PARP11: variants seen among roughly 807,000 people sequenced by gnomAD.
PARP11 encodes poly(ADP-ribose) polymerase family member 11, also known as protein mono-ADP-ribosyltransferase PARP11.
In PARP11, 31 loss-of-function variants were observed where a neutral mutation model predicts 42.9. That is an observed-to-expected ratio of 0.72 (90% confidence interval 0.54 to 0.98). The LOEUF (loss-of-function observed/expected upper bound fraction) is 0.98. Ranked by LOEUF, PARP11 falls within the 50% of genes least tolerant of loss-of-function variation. PARP11 has a pLI of 0.00. For missense variants in PARP11, 365 were observed against 413.1 expected, an observed-to-expected ratio of 0.88 and a Z score of 1.01; for synonymous variants, 137 against 127.3, an observed-to-expected ratio of 1.08 and a Z score of -0.51.
chr12:3,862,133 A>G (rs80277165), intron 1 of PARP11, among the ~76,000 whole-genome samples: 11,912 of 152,226 alleles, frequency 0.078, 1,031 homozygotes, highest in African/African-American at 0.21. Context: ...AAGATTTGAA[A>G]AAGATTTTTC....
intron 4 of PARP11, among the ~76,000 whole-genome samples, chr12:3,823,255 A>AGTCCCTGGTAT (rs537771603): frequency 2.0e-5 from 3 of 152,236 alleles, no homozygotes; most frequent in Non-Finnish European, 4.4e-5. Flanking sequence ...CTCCCACTCC[A>AGTCCCTGGTAT]GTCCCTGGTA....
At chr12:3,817,673 A>T (rs1947319496) in intron 6 of PARP11, among the ~76,000 whole-genome samples, 1 of 152,186 alleles carries the variant, frequency 6.6e-6, no homozygotes, top group South Asian at 2.1e-4. Context: ...CTTCTCAAAG[A>T]TGTCTCAAAA....
Position 3,810,715 on chromosome 12 carries a change from G to GAAGAGAAAGAGAAAGAGA in PARP11, c.*1390_*1407dup, listed in dbSNP as rs200307166. 122 of 142,944 alleles carry GAAGAGAAAGAGAAAGAGA rather than the reference G, an allele frequency of 8.5e-4. No individual in the cohort carries two copies. Among genetic ancestry groups the GAAGAGAAAGAGAAAGAGA allele is most frequent in the African/African-American group, 2.9e-3 (108 of 37,398 alleles). The allele number at this position is 142,944 out of a possible 1,614,324, so 8.9% of individuals were successfully genotyped here. On this transcript the variant is annotated 3_prime_UTR_variant, in exon 8 of 8. Transcript: ENST00000228820. ...AGAAGGAAGGAAGAGAGAGAGAAGA[G>GAAGAGAAAGAGAAAGAGA]AAGAGAAAGAGAAAGAGAAAGAGGA...
intron 4 of PARP11, chr12:3,824,707 A>G (rs759678942): frequency 2.6e-6 from 2 of 758,592 alleles, no homozygotes; most frequent in Non-Finnish European, 3.2e-6. Flanking sequence ...TGATCCCATC[A>G]CAGTGTTTCT....
intron 6 of PARP11, among the ~76,000 whole-genome samples, chr12:3,815,652 A>T (rs1947271797): frequency 6.6e-6 from 1 of 152,172 alleles, no homozygotes; most frequent in Non-Finnish European, 1.5e-5. Flanking sequence ...GACACCACTG[A>T]ATGTATTTTG....
chr12:3,810,676 A>G lies in PARP11; in HGVS notation c.*1447T>C, dbSNP rs1947153427. On this transcript the variant is annotated 3_prime_UTR_variant, in exon 8 of 8. Coordinates refer to ENST00000228820, the MANE Select transcript of PARP11 (RefSeq NM_020367.6). ...GAAGGAAGGAAGGAAGGAAGGAAGG[A>G]AGGAAGGAAAGAAAGAAGGAAGGAA... 6.8e-6 allele frequency: 1 copy of G among 146,954 alleles called. No individual in the cohort carries two copies. The highest frequency in any genetic ancestry group is 6.8e-5 in the Admixed American group (1 of 14,652). 9.1% of individuals were successfully genotyped at this position (146,954 alleles called of 1,614,324 possible).
In PARP11 at chr12:3,809,178, A is replaced by G. The variant is rs1387253131; in HGVS notation, c.*2945T>C. 6.6e-6 allele frequency: 1 copy of G among 152,204 alleles called. No individual in the cohort carries two copies. Among genetic ancestry groups the G allele is most frequent in the African/African-American group, 2.4e-5 (1 of 41,444 alleles). 9.4% of individuals were successfully genotyped at this position (152,204 alleles called of 1,614,324 possible). ...CCACTCTATGGGATGATAACAGGAAAAGATGGCAAATGGTTGTGTCCAGTA... is the reference window on the plus strand; with the variant it reads ...CCACTCTATGGGATGATAACAGGAAGAGATGGCAAATGGTTGTGTCCAGTA... On this transcript the variant is annotated 3_prime_UTR_variant, in exon 8 of 8. Transcript: ENST00000228820.
chr12:3,864,155 C>T (rs756915214), intron 1 of PARP11, among the ~76,000 whole-genome samples: 3 of 152,140 alleles, frequency 2.0e-5, no homozygotes, highest in Non-Finnish European at 4.4e-5. Context: ...AATCGATATT[C>T]GATTTTGTCA....
intron 1 of PARP11, chr12:3,872,681 A>T: frequency 1.0e-6 from 1 of 985,332 alleles, no homozygotes; most frequent in Non-Finnish European, 1.2e-6. Context: ...ATTCAAGACA[A>T]GGGGGTCCCA....
chr12:3,858,324 C>T (rs191188577), intron 1 of PARP11, among the ~76,000 whole-genome samples: 2 of 152,238 alleles, frequency 1.3e-5, no homozygotes, highest in East Asian at 1.9e-4. Context: ...ATAAAGATAA[C>T]ATTAACCATG....
chr12:3,851,889 G>A (rs1185892302), intron 1 of PARP11, among the ~76,000 whole-genome samples: 3 of 152,186 alleles, frequency 2.0e-5, no homozygotes. Flanking sequence ...ACAGTCGGAT[G>A]CCCCTCTGAG....
At chr12:3,839,461 G>T in intron 1 of PARP11, 2 of 1,611,948 alleles carry the variant, frequency 1.2e-6, no homozygotes, top group Non-Finnish European at 1.7e-6. Flanking sequence ...GGCGGAGCAG[G>T]TATTGCACTC....
At position 3,871,206 on chromosome 12, in the gene PARP11, A is replaced by C. The variant is rs149944403; in HGVS notation, c.18+2006T>G. On this transcript the variant is annotated intron_variant, in intron 1 of 7. Coordinates refer to ENST00000228820, the MANE Select transcript of PARP11 (RefSeq NM_020367.6). Reference sequence around the variant, plus strand: ...AGGGGAAGAATACTGATTATAGGAAATTATTGCAAATATGGAAATTAGGGG... The same window carrying C: ...AGGGGAAGAATACTGATTATAGGAACTTATTGCAAATATGGAAATTAGGGG... Among the ~76,000 whole-genome samples, 16 of 152,346 alleles carry C rather than the reference A, an allele frequency of 1.1e-4. No homozygotes were observed. In the East Asian group the frequency reaches 3.1e-3, roughly 29 times the overall value.
chr12:3,833,367 G>A (rs982829546), intron 1 of PARP11, among the ~76,000 whole-genome samples: 3 of 152,136 alleles, frequency 2.0e-5, no homozygotes, highest in African/African-American at 7.2e-5. Context: ...TGGTGAGGCT[G>A]AGAAGGGAGG....
intron 1 of PARP11, among the ~76,000 whole-genome samples, chr12:3,853,173 C>CA (rs1196682854): frequency 6.6e-6 from 1 of 152,174 alleles, no homozygotes; most frequent in African/African-American, 2.4e-5. Flanking sequence ...CCAGCCACTG[C>CA]AAAAACATGC....
rs781743199 is a variant in PARP11 at position 3,830,018 on chromosome 12, C to G, written c.19G>C (p.Glu7Gln). The G allele has an allele frequency of 6.2e-7, 1 of 1,613,140 alleles. No homozygotes were observed. The highest frequency in any genetic ancestry group is 1.7e-5 in the Admixed American group (1 of 59,996). Reference protein sequence around the residue: MWEANPEMFHKAEELFS... With the variant: MWEANPQMFHKAEELFS... ...AATTCTTCTGCTTTGTGAAACATCT[C>G]CTGAAAAGCCAGAAGGAGGTGGAGG... Residue 7 changes from glutamate (E) to glutamine (Q), a missense_variant and splice_region_variant, in exon 2 of 8, where the codon GAG (glutamate) becomes CAG (glutamine). Glu to Gln is a conservative substitution (Grantham distance 29). Transcript: ENST00000228820.
At chr12:3,869,094 T>C (rs937505934) in intron 1 of PARP11, among the ~76,000 whole-genome samples, 1 of 152,232 alleles carries the variant, frequency 6.6e-6, no homozygotes, top group African/African-American at 2.4e-5. Flanking sequence ...CATTCTTCCA[T>C]AGTCACTCCA....
rs1947875593 is a variant in PARP11, at chr12:3,840,974, C to T, written c.19-10956G>A. 1.2e-6 allele frequency: 2 copies of T among 1,608,298 alleles called. No homozygotes were observed. Among genetic ancestry groups the T allele is most frequent in the Non-Finnish European group, 1.7e-6 (2 of 1,174,882 alleles). ...ACTGTGCCAGCCTGGCCAAGTGAACCTACAACTTTTGGACCAACAGGTGTC... is the reference window on the plus strand; with the variant it reads ...ACTGTGCCAGCCTGGCCAAGTGAACTTACAACTTTTGGACCAACAGGTGTC... On this transcript the variant is annotated intron_variant, in intron 1 of 7. Coordinates refer to ENST00000228820, the MANE Select transcript of PARP11 (RefSeq NM_020367.6). The surrounding 1 kb of genome is among the most constrained non-coding windows in gnomAD (Gnocchi z 4.4).
rs1947856903 is a variant in PARP11, at chr12:3,840,188, A to G, written c.19-10170T>C. ...GACAAATGTCAAGTTAGGTTGGATCACAATGGAAAATTTTTGAATGCAGAC... is the reference window on the plus strand; with the variant it reads ...GACAAATGTCAAGTTAGGTTGGATCGCAATGGAAAATTTTTGAATGCAGAC... On this transcript the variant is annotated intron_variant, in intron 1 of 7. Transcript: ENST00000228820. This position sits in a 1 kb window ranked among gnomAD's most constrained non-coding sequence, Gnocchi z 4.4. 1.2e-6 allele frequency: 2 copies of G among 1,611,104 alleles called. No individual in the cohort carries two copies. The highest frequency in any genetic ancestry group is 1.7e-5 in the Admixed American group (1 of 60,012).
Sources: gnomAD v4.1 joint callset for allele counts (sites outside exome capture counted in the v4.1 genomes callset) on GRCh38, gnomAD v4.1.1 for gene constraint, Gnocchi (gnomAD v3.1) non-coding constraint, MANE v1.5 for transcripts, NCBI Gene and HGNC (gene_info 2026-07-23, HGNC 2026-07-21) for gene names.